The following OR1J2 variants were observed in gnomAD, a reference collection of about 807,000 sequenced individuals.
OR1J2 encodes the protein olfactory receptor family 1 subfamily J member 2.
For synonymous variants in OR1J2, 142 were observed against 99.7 expected (o/e 1.42, Z -2.52); for missense variants, 304 against 246.1 (o/e 1.24, Z -1.57).
At chr9:122,541,490 GAGATTTACTT>G in the OR1J2 span, among the ~76,000 whole-genome samples, 6 of 152,278 alleles carry the variant, frequency 3.9e-5, no homozygotes, top group East Asian at 1.2e-3. Context: ...CGGAAGTTGG[GAGATTTACTT>G]TCTGAATAAG....
chr9:122,493,396 A>C, the OR1J2 span, among the ~76,000 whole-genome samples: 1 of 152,110 alleles, frequency 6.6e-6, no homozygotes, highest in Non-Finnish European at 1.5e-5. Context: ...TTATTGGTCT[A>C]TTCAGAGACT....
At chr9:122,533,716 C>T in the OR1J2 span, among the ~76,000 whole-genome samples, 1 of 152,110 alleles carries the variant, frequency 6.6e-6, no homozygotes, top group Admixed American at 6.5e-5. Flanking sequence ...GAAGCCTGGT[C>T]GTCAATACCC....
the OR1J2 span, among the ~76,000 whole-genome samples, chr9:122,449,428 G>A: frequency 6.6e-6 from 1 of 152,106 alleles, no homozygotes; most frequent in Non-Finnish European, 1.5e-5. Flanking sequence ...GGAGTGCAGT[G>A]GTGCGATCTC....
the OR1J2 span, chr9:122,478,007 A>G: frequency 0.018 from 16,338 of 919,674 alleles, 251 homozygotes; most frequent in East Asian, 0.072. Context: ...TAACTGTGGC[A>G]TAGTATAATA....
At chr9:122,577,089 A>T in the OR1J2 span, among the ~76,000 whole-genome samples, 6 of 152,228 alleles carry the variant, frequency 3.9e-5, no homozygotes, top group Admixed American at 2.6e-4. Flanking sequence ...TGCTGCTAGT[A>T]GTGTGAATAC....
the OR1J2 span, among the ~76,000 whole-genome samples, chr9:122,544,415 C>CTTTTTTTTTT: frequency 1.4e-3 from 117 of 85,336 alleles, 1 homozygote; most frequent in Non-Finnish European, 1.9e-3. Context: ...CCTCTTTTTT[C>CTTTTTTTTTT]TTTTTTTTTT....
At chr9:122,487,900 C>CT in the OR1J2 span, among the ~76,000 whole-genome samples, 3 of 152,072 alleles carry the variant, frequency 2.0e-5, no homozygotes, top group African/African-American at 7.2e-5. Flanking sequence ...TTATAAAGAA[C>CT]TTTCACATCT....
At chr9:122,477,769 G>C in the OR1J2 span, 5 of 1,614,070 alleles carry the variant, frequency 3.1e-6, no homozygotes, top group Non-Finnish European at 4.2e-6. Flanking sequence ...GTGAAGGTGA[G>C]AGTCTAGCTG....
chr9:122,474,595 A>G, the OR1J2 span, among the ~76,000 whole-genome samples: 1 of 152,248 alleles, frequency 6.6e-6, no homozygotes, highest in South Asian at 2.1e-4. Context: ...CCCAGACAAA[A>G]TAGGGCTGGG....
chr9:122,476,848 G>C, the OR1J2 span: 2 of 604,642 alleles, frequency 3.3e-6, no homozygotes, highest in Non-Finnish European at 5.8e-6. Context: ...TGGGACTATA[G>C]GCATGCACCA....
the OR1J2 span, among the ~76,000 whole-genome samples, chr9:122,558,067 C>G: frequency 6.6e-6 from 1 of 151,622 alleles, no homozygotes; most frequent in African/African-American, 2.4e-5. Context: ...TTATTCATTT[C>G]TGATATTAGT....
chr9:122,557,557 C>G, the OR1J2 span, among the ~76,000 whole-genome samples: 1 of 151,950 alleles, frequency 6.6e-6, no homozygotes, highest in Non-Finnish European at 1.5e-5. Context: ...AGATAAATCC[C>G]ACTTGGATAT....
At chr9:122,516,619 A>G (rs1564185185), downstream of OR1J2, among the ~76,000 whole-genome samples, 2 of 152,150 alleles carry the variant, frequency 1.3e-5, no homozygotes, top group South Asian at 4.1e-4. Context: ...TGGTCTTTAC[A>G]TAGAATTTAT....
In OR1J2 at chr9:122,510,839, T is replaced by C. The variant is rs1828616991; in HGVS notation, c.38T>C (p.Leu13Pro). The change falls in exon 1 of 1, where the codon CTC (leucine) becomes CCC (proline). Residue 13 changes from leucine (L) to proline (P), a missense_variant. Coordinates refer to ENST00000335302, the MANE Select transcript of OR1J2 (RefSeq NM_054107.1). ...AACCAGAGCAGCGTGTCCGAGTTCC[T>C]CCTTCTGGGCCTCCCCATCCGGCCA... is the stretch of plus-strand genomic sequence containing the variant. ...PENQSSVSEFLLLGLPIRPEQ... is the reference protein window; with the variant it reads ...PENQSSVSEFPLLGLPIRPEQ... 6.2e-7 allele frequency: 1 copy of C among 1,604,924 alleles called. No homozygotes were observed. The highest frequency in any genetic ancestry group is 1.7e-5 in the Admixed American group (1 of 59,606).
chr9:122,579,102 G>A, the OR1J2 span, among the ~76,000 whole-genome samples: 1 of 151,876 alleles, frequency 6.6e-6, no homozygotes, highest in Admixed American at 6.6e-5. Flanking sequence ...ATATGTACAA[G>A]GATAGTACAC....
chr9:122,520,060 G>C, the OR1J2 span: 2 of 1,612,914 alleles, frequency 1.2e-6, no homozygotes. Context: ...CTCTTCAACA[G>C]GGCAACAGTC....
At chr9:122,466,854 T>C in the OR1J2 span, among the ~76,000 whole-genome samples, 2 of 152,082 alleles carry the variant, frequency 1.3e-5, no homozygotes, top group African/African-American at 2.4e-5. Context: ...GTTTCTCTCT[T>C]ATCTCCCAGG....
the OR1J2 span, among the ~76,000 whole-genome samples, chr9:122,451,539 T>C: frequency 6.6e-6 from 1 of 152,186 alleles, no homozygotes; most frequent in South Asian, 2.1e-4. Flanking sequence ...ATGTCACTTT[T>C]TAAAAGCTAA....
chr9:122,462,985 G>A, the OR1J2 span, among the ~76,000 whole-genome samples: 1 of 152,136 alleles, frequency 6.6e-6, no homozygotes, highest in Admixed American at 6.5e-5. Context: ...CAAAGCTGGG[G>A]AATTTTTCCT....
Sources: gnomAD v4.1 joint callset for allele counts (sites outside exome capture counted in the v4.1 genomes callset) on GRCh38, gnomAD v4.1.1 for gene constraint, MANE v1.5 for transcripts, NCBI Gene and HGNC (gene_info 2026-07-23, HGNC 2026-07-21) for gene names.